NAF1: variants seen among roughly 807,000 people sequenced by gnomAD.
The protein encoded by NAF1 is H/ACA ribonucleoprotein complex non-core subunit NAF1.
Under a neutral mutation model 40.6 loss-of-function variants are expected in NAF1, and 11 were observed. That is an observed-to-expected ratio of 0.27 (90% CI 0.17 to 0.45). NAF1 has a LOEUF of 0.45. Among genes scored for constraint, NAF1 ranks in the 20% least tolerant of loss-of-function variants. The probability of loss-of-function intolerance (pLI) is 1.00; values close to 1 mark genes in which losing one functional copy is unlikely to be tolerated. For synonymous variants in NAF1, 260 were observed against 228.5 expected, an observed-to-expected ratio of 1.14 and a Z score of -1.24; for missense variants, 607 against 611.1, an observed-to-expected ratio of 0.99 and a Z score of 0.07.
intron 2 of NAF1, chr4:163,157,311 C>T (rs936566822): frequency 6.6e-6 from 1 of 152,024 alleles, no homozygotes; most frequent in African/African-American, 2.4e-5. Flanking sequence ...GTCCAAACGA[C>T]CAGATTCCAA....
intron 1 of NAF1, 118 bp downstream of exon 1, chr4:163,166,245 A>C: frequency 6.1e-6 from 8 of 1,317,360 alleles, no homozygotes; most frequent in Non-Finnish European, 8.2e-6. Flanking sequence ...CCGGAGCACC[A>C]ACGACCTGCC....
At chr4:163,155,546 A>G (rs761751007) in intron 2 of NAF1, among the ~76,000 whole-genome samples, 17 of 152,198 alleles carry the variant, frequency 1.1e-4, no homozygotes, top group Admixed American at 4.6e-4. Flanking sequence ...TAATCTTCTC[A>G]AAAATAAAAT....
chr4:163,150,533 C>T (rs1162429835), intron 2 of NAF1, among the ~76,000 whole-genome samples: 1 of 152,068 alleles, frequency 6.6e-6, no homozygotes, highest in Non-Finnish European at 1.5e-5. Context: ...CTATAACAAA[C>T]AAAAACATAT....
At position 163,164,283 on chromosome 4, in the gene NAF1, A is replaced by T; in HGVS notation, c.474T>A (p.Asp158Glu). ...SLPPVLSDGD[D>E]DLQIEKENKN... ...TATTTTCCTTCTCAATTTGTAAATC[A>T]TCATCTCCATCTGACAGCACTGGAG... is the stretch of plus-strand genomic sequence containing the variant. The change falls in exon 2 of 8, where the codon GAT (aspartate) becomes GAA (glutamate). Residue 158 changes from aspartate to glutamate, a missense_variant. By Grantham distance (45) the Asp-to-Glu change is conservative. Transcript: ENST00000274054. 1 of 1,590,630 alleles carries T rather than the reference A, an allele frequency of 6.3e-7. No individual in the cohort carries two copies. Among genetic ancestry groups the T allele is most frequent in the Non-Finnish European group, 8.5e-7 (1 of 1,172,074 alleles).
At chr4:163,154,089 G>A (rs1258053513) in intron 2 of NAF1, among the ~76,000 whole-genome samples, 1 of 151,564 alleles carries the variant, frequency 6.6e-6, no homozygotes, top group African/African-American at 2.4e-5. Context: ...AAGAAACTCC[G>A]AACACATCTG....
chr4:163,154,099 G>A (rs1731866057), intron 2 of NAF1, among the ~76,000 whole-genome samples: 1 of 151,418 alleles, frequency 6.6e-6, no homozygotes, highest in Non-Finnish European at 1.5e-5. Flanking sequence ...GAACACATCT[G>A]AACATCAGAA....
chr4:163,106,953 G>A (rs6536702), downstream of NAF1, among the ~76,000 whole-genome samples: 117,618 of 152,034 alleles, frequency 0.77, 45,534 homozygotes, highest in South Asian at 0.84. Context: ...ATTTCTCCAC[G>A]CCTACCTTTC....
the NAF1 span, among the ~76,000 whole-genome samples, chr4:163,104,790 T>C: frequency 6.6e-6 from 1 of 152,228 alleles, no homozygotes; most frequent in Non-Finnish European, 1.5e-5. Flanking sequence ...CCACTTTCAA[T>C]GTTGATCACT....
rs770209726 is a variant in NAF1 at position 163,128,990 on chromosome 4, T to C, written c.1392A>G (p.Leu464=). 2 of 1,523,580 alleles carry C rather than the reference T, an allele frequency of 1.3e-6. No homozygotes were observed. Among genetic ancestry groups the C allele is most frequent in the African/African-American group, 1.5e-5 (1 of 64,988 alleles). 94.4% of individuals were successfully genotyped at this position (1,523,580 alleles called of 1,614,324 possible). Residue 464 remains leucine, a synonymous_variant, in exon 8 of 8, where the codon TTA becomes TTG. Transcript: ENST00000274054. ...GAGGGGGTGGGGGTAGGGAGTATGG[T>C]AAGTTAAGTAATGGATGAGCAGCCA... ...PNMAAHPLLN[L]PYSLPPPPPP...
At position 163,166,347 on chromosome 4, in the gene NAF1, C is replaced by G; in HGVS notation, c.365+16G>C. On this transcript the variant is annotated intron_variant, in intron 1 of 7. Coordinates refer to ENST00000274054, the MANE Select transcript of NAF1 (RefSeq NM_138386.3). ...AAGACCTCTCCCCACAGCTCCGGGTCCCTTAGGCACCCGACCTGTCCGAGT... is the reference window on the plus strand; with the variant it reads ...AAGACCTCTCCCCACAGCTCCGGGTGCCTTAGGCACCCGACCTGTCCGAGT... The G allele has an allele frequency of 6.4e-7, 1 of 1,571,100 alleles. No individual in the cohort carries two copies.
At chr4:163,133,715 A>G (rs1018796261) in intron 6 of NAF1, 1 of 153,848 alleles carries the variant, frequency 6.5e-6, no homozygotes, top group African/African-American at 2.4e-5. Context: ...TTTTTTAAAT[A>G]TAATTTTAGG....
chr4:163,159,832 TG>T (rs1732147453), intron 2 of NAF1, among the ~76,000 whole-genome samples: 1 of 152,200 alleles, frequency 6.6e-6, no homozygotes, highest in Non-Finnish European at 1.5e-5. Context: ...TTATCCCTAC[TG>T]AAGTATTATC....
At chr4:163,139,449 AT>A (rs1437432257) in intron 5 of NAF1, among the ~76,000 whole-genome samples, 1 of 152,064 alleles carries the variant, frequency 6.6e-6, no homozygotes, top group African/African-American at 2.4e-5. Flanking sequence ...CATTCAAGTT[AT>A]TTTTATTAAA....
rs959917648 is a variant in NAF1, at chr4:163,129,131, G to T, written c.1251C>A (p.Pro417=). The change falls in exon 8 of 8, where the codon CCC becomes CCA. Residue 417 remains proline, a synonymous_variant. Transcript: ENST00000274054. Reference sequence around the variant, plus strand: ...GAGGAAAGGGGTATTGTGGCATAATGGGATTATTTTGTCTCTGAGAAGGAA... The same window carrying T: ...GAGGAAAGGGGTATTGTGGCATAATTGGATTATTTTGTCTCTGAGAAGGAA... ...SGFPSQRQNN[P]IMPQYPFPLP... 1 of 1,613,624 alleles carries T rather than the reference G, an allele frequency of 6.2e-7. No individual in the cohort carries two copies. The highest frequency in any genetic ancestry group is 1.3e-5 in the African/African-American group (1 of 74,900).
chr4:163,126,882 C>T (rs1730671284), downstream of NAF1: 4 of 1,440,488 alleles, frequency 2.8e-6, no homozygotes, highest in Non-Finnish European at 3.7e-6. Context: ...AGCTAAAAGA[C>T]TGTAACTCAC....
chr4:163,164,266 T>G lies in NAF1; in HGVS notation c.491A>C (p.Lys164Thr), dbSNP rs1263215853. Residue 164 changes from lysine to threonine, a missense_variant, in exon 2 of 8, where the codon AAG (lysine) becomes ACG (threonine). Physicochemically the swap from Lys to Thr is moderately conservative, Grantham distance 78. Transcript: ENST00000274054. ...TTTAAGAGGAAAATTCTTATTTTCC[T>G]TCTCAATTTGTAAATCATCATCTCC... is the stretch of plus-strand genomic sequence containing the variant. ...SDGDDDLQIE[K>T]ENKNFPLKTK... The G allele has an allele frequency of 1.3e-6, 2 of 1,582,740 alleles. No individual in the cohort carries two copies. Among genetic ancestry groups the G allele is most frequent in the Admixed American group, 3.8e-5 (2 of 53,174 alleles).
At chr4:163,115,463 T>C (rs1730306833) in intron 2 of NAF1, among the ~76,000 whole-genome samples, 1 of 152,166 alleles carries the variant, frequency 6.6e-6, no homozygotes, top group South Asian at 2.1e-4. Context: ...CCCAAAGTGC[T>C]GGGATTACAG....
chr4:163,110,179 G>C (rs1730117215), exon 3 of NAF1: 2 of 633,254 alleles, frequency 3.2e-6, no homozygotes, highest in Non-Finnish European at 2.8e-6. Context: ...TGACTAGGCT[G>C]GTAGACTTGC....
At position 163,138,972 on chromosome 4, in the gene NAF1, G is replaced by A. The variant is rs567965222; in HGVS notation, c.878+1251C>T. Among the ~76,000 whole-genome samples, 5 of 152,052 alleles carry A rather than the reference G, an allele frequency of 3.3e-5. No homozygotes were observed. In the Middle Eastern group the frequency reaches 0.01, roughly 312 times the overall value. On this transcript the variant is annotated intron_variant, in intron 5 of 7. Coordinates refer to ENST00000274054, the MANE Select transcript of NAF1 (RefSeq NM_138386.3). ...TGTATTTAATTCATCTTTCTTGTCA[G>A]TGTTATTTAAGAAAATAACCTTATG...
Sources: gnomAD v4.1 joint callset for allele counts (sites outside exome capture counted in the v4.1 genomes callset) on GRCh38, gnomAD v4.1.1 for gene constraint, MANE v1.5 for transcripts, NCBI Gene and HGNC (gene_info 2026-07-23, HGNC 2026-07-21) for gene names.